Variants in MAP3K20 observed in about 807,000 individuals in gnomAD.
The protein encoded by MAP3K20 is HCCS-4.
MAP3K20 carries 40 observed loss-of-function variants against 85.7 expected under a neutral mutation model. The observed-to-expected ratio is 0.47, with a 90% CI of 0.36 to 0.61. The LOEUF (loss-of-function observed/expected upper bound fraction) is 0.61. MAP3K20 is among the 20% of genes least tolerant of loss of function. The pLI, the probability that MAP3K20 is intolerant of heterozygous loss-of-function variation, is 0.00. For synonymous variants in MAP3K20, 325 were observed against 327.7 expected, an observed-to-expected ratio of 0.99 and a Z score of 0.09; for missense variants, 817 against 961.7, an observed-to-expected ratio of 0.85 and a Z score of 1.99.
At chr2:173,160,299 A>G (rs1238212904) in intron 2 of MAP3K20, 1 of 152,146 alleles carries the variant, frequency 6.6e-6, no homozygotes, top group African/African-American at 2.4e-5. Flanking sequence ...ACCTGTGTAT[A>G]ACTCTCTGGT....
intron 3 of MAP3K20, among the ~76,000 whole-genome samples, chr2:173,178,016 T>C (rs897086565): frequency 5.3e-5 from 8 of 151,842 alleles, no homozygotes; most frequent in East Asian, 1.9e-4. Context: ...AGAAAAGCAA[T>C]AGCAAAAATC....
chr2:173,230,109 G>T (rs950799653), intron 12 of MAP3K20, among the ~76,000 whole-genome samples: 7 of 152,156 alleles, frequency 4.6e-5, no homozygotes, highest in African/African-American at 1.7e-4. Context: ...TGGGATTATA[G>T]GTGTGAGCCA....
At chr2:173,224,285 C>G (rs762002531) in intron 11 of MAP3K20, 9 of 985,310 alleles carry the variant, frequency 9.1e-6, no homozygotes, top group Non-Finnish European at 1.1e-5. Context: ...GATCCCTGCA[C>G]TTTATGTAAG....
intron 11 of MAP3K20, among the ~76,000 whole-genome samples, chr2:173,228,480 A>T (rs1406099256): frequency 6.6e-6 from 1 of 152,192 alleles, no homozygotes; most frequent in African/African-American, 2.4e-5. Flanking sequence ...GTATACCCAT[A>T]GACATTGAAC....
At chr2:173,220,047 A>G (rs754078523) in intron 11 of MAP3K20, among the ~76,000 whole-genome samples, 29 of 120,426 alleles carry the variant, frequency 2.4e-4, no homozygotes, top group South Asian at 1.0e-3. Context: ...CAGCCTGGGC[A>G]ACAGTGCTAG....
intron 7 of MAP3K20, chr2:173,197,613 C>T (rs574180943): frequency 6.5e-6 from 1 of 152,952 alleles, no homozygotes; most frequent in East Asian, 1.9e-4. Flanking sequence ...ATTATTGAAC[C>T]TTTTAAAATA....
chr2:173,075,658 C>A (rs866277006), upstream of MAP3K20: 2 of 909,012 alleles, frequency 2.2e-6, no homozygotes, highest in Non-Finnish European at 2.6e-6. Flanking sequence ...GCCCTCCCCC[C>A]ACAGCAAGGC....
At chr2:173,243,077 G>C (rs1197336398) in intron 16 of MAP3K20, among the ~76,000 whole-genome samples, 1 of 152,168 alleles carries the variant, frequency 6.6e-6, no homozygotes, top group Admixed American at 6.5e-5. Context: ...CTCTAAGGTA[G>C]ATGCTAGATT....
At chr2:173,083,954 G>C (rs189720299) in intron 1 of MAP3K20, among the ~76,000 whole-genome samples, 2 of 152,314 alleles carry the variant, frequency 1.3e-5, no homozygotes, top group East Asian at 3.9e-4. Flanking sequence ...GGAAAGGAAA[G>C]TATGAATTAG....
At position 173,146,827 on chromosome 2, in the gene MAP3K20, G is replaced by C. The variant is rs578161206; in HGVS notation, c.160-22978G>C. ...TACATTTTACACTCCTCCCAGAAGG[G>C]TATGTGGGTTCTAACTTCTCTACAC... On this transcript the variant is annotated intron_variant, in intron 2 of 19. Transcript: ENST00000375213. 2.0e-5 allele frequency among the ~76,000 whole-genome samples: 3 copies of C among 152,286 alleles called. No individual in the cohort carries two copies. The South Asian group carries it at 6.2e-4, about 32-fold the overall frequency.
At chr2:173,252,494 G>A (rs2106348478) in intron 16 of MAP3K20, among the ~76,000 whole-genome samples, 1 of 152,272 alleles carries the variant, frequency 6.6e-6, no homozygotes, top group East Asian at 1.9e-4. Flanking sequence ...CACCAGAATT[G>A]TTGTATTTTT....
intron 2 of MAP3K20, among the ~76,000 whole-genome samples, chr2:173,149,038 C>T (rs1344493929): frequency 1.3e-5 from 2 of 152,200 alleles, no homozygotes; most frequent in African/African-American, 2.4e-5. Context: ...GAACCCCAGA[C>T]ATCTGTTGTA....
intron 18 of MAP3K20, 95 bp downstream of exon 18, chr2:173,261,232 T>G: frequency 7.9e-7 from 1 of 1,267,858 alleles, no homozygotes; most frequent in Admixed American, 2.1e-5. Context: ...TTGGGAGATA[T>G]ACCCAGAGCA....
chr2:173,105,743 C>A (rs1687767748), intron 2 of MAP3K20, among the ~76,000 whole-genome samples: 1 of 151,942 alleles, frequency 6.6e-6, no homozygotes, highest in African/African-American at 2.4e-5. Flanking sequence ...ATAGAGATTA[C>A]CAGGGGCTGG....
intron 11 of MAP3K20, chr2:173,225,776 T>G: frequency 1.0e-6 from 1 of 985,160 alleles, no homozygotes; most frequent in Non-Finnish European, 1.2e-6. Context: ...ATTTTGTGAG[T>G]TTCGTGGCTT....
At chr2:173,102,647 T>C (rs1463256126) in intron 2 of MAP3K20, among the ~76,000 whole-genome samples, 4 of 152,212 alleles carry the variant, frequency 2.6e-5, no homozygotes, top group Non-Finnish European at 5.9e-5. Flanking sequence ...CTGGTAAGTA[T>C]GAAAATGTTT....
intron 1 of MAP3K20, among the ~76,000 whole-genome samples, chr2:173,086,731 T>G (rs1247544646): frequency 1.3e-5 from 2 of 152,240 alleles, no homozygotes; most frequent in Non-Finnish European, 2.9e-5. Flanking sequence ...GTGTCAGTTG[T>G]GACTGATCCT....
intron 9 of MAP3K20, among the ~76,000 whole-genome samples, chr2:173,207,140 A>AG (rs752442243): frequency 4.1e-4 from 62 of 152,160 alleles, no homozygotes; most frequent in Non-Finnish European, 6.9e-4. Context: ...GAAGAGAAGG[A>AG]GAAAAAAAGG....
chr2:173,149,110 T>A (rs1195376200), intron 2 of MAP3K20, among the ~76,000 whole-genome samples: 1 of 152,258 alleles, frequency 6.6e-6, no homozygotes. Flanking sequence ...AGTGCTGAAA[T>A]CAATATTTGG....
Sources: allele counts gnomAD v4.1 joint callset (sites outside exome capture counted in the v4.1 genomes callset), GRCh38; gene constraint gnomAD v4.1.1; transcripts MANE v1.5; gene names NCBI Gene and HGNC (gene_info 2026-07-23, HGNC 2026-07-21).